WDR43: variants seen among roughly 807,000 people sequenced by gnomAD.
The protein encoded by WDR43 is WD repeat domain 43, also known as WD repeat-containing protein 43.
WDR43 carries 13 observed loss-of-function variants against 91.4 expected under a neutral mutation model. The ratio of observed to expected loss-of-function variants is 0.14; its 90% CI spans 0.09 to 0.23. WDR43 has a LOEUF of 0.23. Among genes scored for constraint, WDR43 ranks in the 10% least tolerant of loss-of-function variants. The pLI, the probability that WDR43 is intolerant of heterozygous loss-of-function variation, is 1.00. For synonymous variants in WDR43, 331 were observed against 287.9 expected, an observed-to-expected ratio of 1.15 and a Z score of -1.51; for missense variants, 780 against 809.4, an observed-to-expected ratio of 0.96 and a Z score of 0.44.
At chr2:28,922,795 G>GT in intron 6 of WDR43, 124 bp from the exon 7 acceptor site, 1 of 373,408 alleles carries the variant, frequency 2.7e-6, no homozygotes, top group Non-Finnish European at 4.4e-6. Flanking sequence ...GATTCTTGCT[G>GT]TGTTTTTTTT....
At chr2:28,931,301 T>TG (rs1382057899) in intron 11 of WDR43, among the ~76,000 whole-genome samples, 1 of 152,124 alleles carries the variant, frequency 6.6e-6, no homozygotes, top group Non-Finnish European at 1.5e-5. Flanking sequence ...AGGCTGGTCT[T>TG]GAACTCCTGA....
intron 3 of WDR43, among the ~76,000 whole-genome samples, chr2:28,910,393 A>G (rs1670768094): frequency 6.6e-6 from 1 of 152,206 alleles, no homozygotes; most frequent in Non-Finnish European, 1.5e-5. Flanking sequence ...CAAAAATTTC[A>G]GAAGCTGGTA....
intron 10 of WDR43, among the ~76,000 whole-genome samples, chr2:28,928,735 G>T (rs1297413343): frequency 6.6e-6 from 1 of 152,114 alleles, no homozygotes; most frequent in Non-Finnish European, 1.5e-5. Context: ...AGACTGGGGT[G>T]CAATGGTTTG....
chr2:28,928,425 G>A (rs1398416611), intron 10 of WDR43, among the ~76,000 whole-genome samples: 3 of 152,064 alleles, frequency 2.0e-5, no homozygotes, highest in Non-Finnish European at 4.4e-5. Context: ...GTTCATAAAA[G>A]TTATTCCTCA....
At chr2:28,914,655 G>T (rs1670872626) in intron 5 of WDR43, among the ~76,000 whole-genome samples, 1 of 152,176 alleles carries the variant, frequency 6.6e-6, no homozygotes, top group Non-Finnish European at 1.5e-5. Flanking sequence ...ATCAGGCCGG[G>T]TGCCGTGGCT....
intron 1 of WDR43, 36 bp downstream of exon 1, chr2:28,894,959 C>T (rs1670447034): frequency 6.7e-7 from 1 of 1,488,978 alleles, no homozygotes; most frequent in Non-Finnish European, 9.0e-7. Flanking sequence ...CGGGCGCCTT[C>T]CCGGGCTCGG....
At position 28,910,098 on chromosome 2, in the gene WDR43, A is replaced by G. The variant is rs76531313; in HGVS notation, c.486-2492A>G. ...ATACAGATCTGATTTAGTAGGTGTAACTAGGTTAGAGCTTGAGAGTGCATA... is the reference window on the plus strand; with the variant it reads ...ATACAGATCTGATTTAGTAGGTGTAGCTAGGTTAGAGCTTGAGAGTGCATA... On this transcript the variant is annotated intron_variant, in intron 3 of 17. Transcript: ENST00000407426. 7.0e-3 allele frequency among the ~76,000 whole-genome samples: 1,060 copies of G among 152,292 alleles called. 12 individuals carry two copies. The highest frequency in any genetic ancestry group is 0.024 in the African/African-American group (1,011 of 41,544).
At chr2:28,932,909 C>G (rs368113780) in intron 11 of WDR43, among the ~76,000 whole-genome samples, 1 of 151,802 alleles carries the variant, frequency 6.6e-6, no homozygotes, top group East Asian at 1.9e-4. Context: ...ATAGTAGTAC[C>G]AAAAAATACC....
chr2:28,914,089 G>A lies in WDR43; in HGVS notation c.627G>A (p.Thr209=), dbSNP rs776952806. ...TCTAGCATTTCACAGGACATGCAAC[G>A]CCAGTTTCGTCACTGATGTTCACTA... ...EVYRHFTGHA[T]PVSSLMFTTI... Residue 209 remains threonine (T), a synonymous_variant, in exon 5 of 18, where the codon ACG becomes ACA. Coordinates refer to ENST00000407426, the MANE Select transcript of WDR43 (RefSeq NM_015131.3). 46 of 1,613,564 alleles carry A rather than the reference G, an allele frequency of 2.9e-5. No individual in the cohort carries two copies. The highest frequency in any genetic ancestry group is 3.6e-5 in the Non-Finnish European group (43 of 1,179,812).
chr2:28,894,725 C>T lies in WDR43; in HGVS notation c.27C>T (p.Cys9=), dbSNP rs747826816. The T allele has an allele frequency of 1.9e-6, 3 of 1,572,316 alleles. No individual in the cohort carries two copies. The part of the protein sequence containing the change: MAAGGGGS[C]DPLAPAGVPC... ...TGGCGGCGGGCGGCGGCGGTAGCTG[C>T]GACCCCCTGGCCCCTGCTGGGGTCC... Residue 9 remains cysteine (C), a synonymous_variant, in exon 1 of 18, where the codon TGC becomes TGT. Coordinates refer to ENST00000407426, the MANE Select transcript of WDR43 (RefSeq NM_015131.3).
At chr2:28,897,294 A>G (rs960434104) in intron 1 of WDR43, among the ~76,000 whole-genome samples, 6 of 152,214 alleles carry the variant, frequency 3.9e-5, no homozygotes, top group Non-Finnish European at 7.3e-5. Flanking sequence ...TATCTTAGAA[A>G]AAAAAGGCAC....
chr2:28,939,595 A>G (rs1478367948), intron 14 of WDR43, among the ~76,000 whole-genome samples: 1 of 152,154 alleles, frequency 6.6e-6, no homozygotes, highest in Non-Finnish European at 1.5e-5. Flanking sequence ...TATGCCAGGC[A>G]TGGGGATTCA....
In WDR43 at chr2:28,935,623, T is replaced by C; in HGVS notation, c.1524+16T>C. On this transcript the variant is annotated intron_variant, in intron 12 of 17. Transcript: ENST00000407426. ...GTTACAAGAGGTAACTGACTGCTTT[T>C]TTCATTTCAGCATCCTAATGCCATG... The C allele has an allele frequency of 6.5e-7, 1 of 1,543,766 alleles. No homozygotes were observed. The highest frequency in any genetic ancestry group is 8.8e-7 in the Non-Finnish European group (1 of 1,140,628).
At chr2:28,921,452 A>G (rs565064737) in intron 6 of WDR43, among the ~76,000 whole-genome samples, 3 of 152,212 alleles carry the variant, frequency 2.0e-5, no homozygotes, top group African/African-American at 7.2e-5. Context: ...AAGATATTAA[A>G]CTAGGAATGA....
chr2:28,927,174 T>C (rs184492567), intron 9 of WDR43: 1 of 518,548 alleles, frequency 1.9e-6, no homozygotes, highest in Admixed American at 1.9e-5. Flanking sequence ...CTGGAGGTAG[T>C]TGTAAAATGT....
chr2:28,919,085 C>G (rs938348695), intron 6 of WDR43, among the ~76,000 whole-genome samples: 3 of 152,080 alleles, frequency 2.0e-5, no homozygotes, highest in Admixed American at 6.5e-5. Context: ...TAGTGAGACC[C>G]TGTCTCTACA....
At chr2:28,932,188 G>C (rs182474558) in intron 11 of WDR43, among the ~76,000 whole-genome samples, 71 of 152,220 alleles carry the variant, frequency 4.7e-4, no homozygotes, top group Admixed American at 7.8e-4. Flanking sequence ...TCTATTGATT[G>C]ATTGATCGAT....
In WDR43 at chr2:28,894,781, A is replaced by G. The variant is rs1302298356; in HGVS notation, c.83A>G (p.Tyr28Cys). 2 of 1,608,332 alleles carry G rather than the reference A, an allele frequency of 1.2e-6. No individual in the cohort carries two copies. The highest frequency in any genetic ancestry group is 1.7e-6 in the Non-Finnish European group (2 of 1,177,606). The stretch of plus-strand genomic sequence containing the variant: ...GCCTTCTCCCCGCACAGCCAGGCCT[A>G]CTTCGCTTTGGCCTCTACCGACGGT... ...PCAFSPHSQA[Y>C]FALASTDGHL... The change falls in exon 1 of 18, where the codon TAC (tyrosine) becomes TGC (cysteine). Residue 28 changes from tyrosine to cysteine, a missense_variant. Transcript: ENST00000407426.
intron 13 of WDR43, 98 bp from the exon 14 acceptor site, chr2:28,937,833 T>G: frequency 1.8e-6 from 2 of 1,130,306 alleles, no homozygotes; most frequent in Non-Finnish European, 2.6e-6. Flanking sequence ...CAGAGCAACA[T>G]TTATAGACCT....
Sources: gnomAD v4.1 joint callset for allele counts (sites outside exome capture counted in the v4.1 genomes callset) on GRCh38, gnomAD v4.1.1 for gene constraint, MANE v1.5 for transcripts, NCBI Gene and HGNC (gene_info 2026-07-23, HGNC 2026-07-21) for gene names.